Variants in ATP2B2 observed in about 807,000 individuals in gnomAD.
The protein encoded by ATP2B2 is plasma membrane calcium-transporting ATPase 2.
A neutral mutation model predicts 120.0 loss-of-function variants in ATP2B2; 15 were observed. The observed-to-expected ratio is 0.12, with a 90% CI of 0.08 to 0.19. The LOEUF is 0.19. Among genes scored for constraint, ATP2B2 ranks in the 10% least tolerant of loss-of-function variants. ATP2B2 has a pLI of 1.00. For synonymous variants in ATP2B2, 694 were observed against 700.3 expected (o/e 0.99, Z 0.14); for missense variants, 1,045 against 1,719.8 (o/e 0.61, Z 6.94).
intron 1 of ATP2B2, among the ~76,000 whole-genome samples, chr3:10,644,867 T>G (rs1203992082): frequency 6.6e-6 from 1 of 152,254 alleles, no homozygotes; most frequent in East Asian, 1.9e-4. Flanking sequence ...CACTGAATTA[T>G]TTCCTTTAAA....
intron 5 of ATP2B2, among the ~76,000 whole-genome samples, chr3:10,395,969 G>A (rs543700451): frequency 6.6e-6 from 1 of 152,236 alleles, no homozygotes; most frequent in African/African-American, 2.4e-5. Context: ...ACATGGGCTC[G>A]TGTCTGCCTG....
chr3:10,644,594 G>A (rs539230917), intron 1 of ATP2B2, among the ~76,000 whole-genome samples: 23 of 152,200 alleles, frequency 1.5e-4, no homozygotes, highest in African/African-American at 5.3e-4. Flanking sequence ...AAGGAATGAA[G>A]TACTAATACA....
chr3:10,644,464 G>T (rs2070264427), intron 1 of ATP2B2, among the ~76,000 whole-genome samples: 1 of 152,154 alleles, frequency 6.6e-6, no homozygotes, highest in Admixed American at 6.5e-5. Context: ...ATACACATAT[G>T]TTCACAACAG....
chr3:10,589,946 A>G (rs2068602945), intron 2 of ATP2B2, among the ~76,000 whole-genome samples: 1 of 152,230 alleles, frequency 6.6e-6, no homozygotes, highest in South Asian at 2.1e-4. Context: ...TTTACCCAAA[A>G]GAAACAAAAA....
At chr3:10,331,985 C>T (rs901359809) in intron 22 of ATP2B2, 3 of 1,550,340 alleles carry the variant, frequency 1.9e-6, no homozygotes, top group Non-Finnish European at 2.6e-6. Flanking sequence ...CTCACAACCT[C>T]TTTTAATTTC....
At chr3:10,568,007 A>G (rs1286909258) in intron 2 of ATP2B2, among the ~76,000 whole-genome samples, 1 of 152,220 alleles carries the variant, frequency 6.6e-6, no homozygotes, top group Non-Finnish European at 1.5e-5. Context: ...AACTCCAAAA[A>G]TGACACCTGT....
At chr3:10,498,340 T>A (rs543381467) in intron 1 of ATP2B2, among the ~76,000 whole-genome samples, 10 of 152,356 alleles carry the variant, frequency 6.6e-5, no homozygotes, top group Admixed American at 3.3e-4. Flanking sequence ...CAGGCCCACG[T>A]AGGATGGCGT....
intron 16 of ATP2B2, among the ~76,000 whole-genome samples, chr3:10,348,619 T>C (rs957273663): frequency 2.0e-5 from 3 of 152,236 alleles, no homozygotes; most frequent in Non-Finnish European, 4.4e-5. Context: ...AGCAGTTCCC[T>C]GCCTTGCCTC....
intron 2 of ATP2B2, 67 bp downstream of exon 2, chr3:10,449,278 T>C (rs1040990815): frequency 2.0e-6 from 3 of 1,538,302 alleles, no homozygotes; most frequent in Non-Finnish European, 1.8e-6. Context: ...ATGAATATGG[T>C]CCCTGTGGCC....
At chr3:10,378,501 C>G (rs2061440342) in intron 9 of ATP2B2, 91 bp from the exon 10 acceptor site, 5 of 1,541,496 alleles carry the variant, frequency 3.2e-6, no homozygotes, top group Non-Finnish European at 4.4e-6. Flanking sequence ...GGCACCCACC[C>G]CTGCCTGCCC....
intron 2 of ATP2B2, among the ~76,000 whole-genome samples, chr3:10,608,263 A>C (rs2069138185): frequency 6.6e-6 from 1 of 152,200 alleles, no homozygotes; most frequent in Non-Finnish European, 1.5e-5. Context: ...CCCCCATTAT[A>C]AAGTCTGCAG....
chr3:10,561,982 A>G (rs1223700616), intron 2 of ATP2B2, among the ~76,000 whole-genome samples: 3 of 152,208 alleles, frequency 2.0e-5, no homozygotes, highest in Non-Finnish European at 4.4e-5. Context: ...CAAGGGGCTG[A>G]AGAAGACCAC....
At chr3:10,389,263 T>C (rs1007356774) in intron 5 of ATP2B2, among the ~76,000 whole-genome samples, 6 of 152,212 alleles carry the variant, frequency 3.9e-5, no homozygotes, top group African/African-American at 1.4e-4. Flanking sequence ...CAGCTATTGT[T>C]TCATGAGAGA....
At chr3:10,479,205 A>T (rs1376664391) in intron 1 of ATP2B2, among the ~76,000 whole-genome samples, 1 of 137,354 alleles carries the variant, frequency 7.3e-6, no homozygotes, top group Non-Finnish European at 1.6e-5. Context: ...ACATCACAGC[A>T]TCCTCCTGCC....
In ATP2B2 at chr3:10,695,825, T is replaced by C. The variant is rs377139982; in HGVS notation, c.-460+12090A>G. Among the ~76,000 whole-genome samples, 4 of 152,310 alleles carry C rather than the reference T, an allele frequency of 2.6e-5. No homozygotes were observed. In the East Asian group the frequency reaches 5.8e-4, roughly 22 times the overall value. On this transcript the variant is annotated intron_variant, in intron 1 of 21. Transcript: ENST00000646379. ...CTGGAGCAGTTTGTCACATAGCAAT[T>C]GCTAATAGTGATACAGCAGTGCAGG...
At chr3:10,443,107 GT>G (rs2063724060) in intron 2 of ATP2B2, among the ~76,000 whole-genome samples, 1 of 152,196 alleles carries the variant, frequency 6.6e-6, no homozygotes, top group African/African-American at 2.4e-5. Flanking sequence ...CGGTGCCGTG[GT>G]TTGGCTGGTA....
chr3:10,587,943 A>G, intron 2 of ATP2B2, among the ~76,000 whole-genome samples: 1 of 152,240 alleles, frequency 6.6e-6, no homozygotes, highest in Non-Finnish European at 1.5e-5. Flanking sequence ...GTTTTATTAT[A>G]TAAGCAATAC....
In ATP2B2 at chr3:10,350,531, C is replaced by T. The variant is rs780440699; in HGVS notation, c.2183G>A (p.Arg728His). Residue 728 changes from arginine (R) to histidine (H), a missense_variant, in exon 15 of 23, where the codon CGC (arginine) becomes CAC (histidine). By Grantham distance (29) the Arg-to-His change is conservative (BLOSUM62 0). Around this residue, in one of 11 missense-constraint regions of ATP2B2, gnomAD observed 343 missense variants for 536.8 expected, o/e 0.64. Coordinates refer to ENST00000360273, the MANE Select transcript of ATP2B2 (RefSeq NM_001001331.4). Reference sequence around the variant, plus strand: ...GTTGATATTGTCGCCAGTGACCATGCGGACCGTGATGCCTGCCCGCTGGCA... The same window carrying T: ...GTTGATATTGTCGCCAGTGACCATGTGGACCGTGATGCCTGCCCGCTGGCA... ...RKCQRAGITV[R>H]MVTGDNINTA... is the part of the protein sequence containing the mutation. The T allele has an allele frequency of 8.1e-6, 13 of 1,614,028 alleles. No homozygotes were observed. The highest frequency in any genetic ancestry group is 3.3e-5 in the Admixed American group (2 of 60,030).
At chr3:10,541,478 A>G (rs1308410912) in intron 2 of ATP2B2, among the ~76,000 whole-genome samples, 1 of 152,106 alleles carries the variant, frequency 6.6e-6, no homozygotes, top group African/African-American at 2.4e-5. Flanking sequence ...CTGTCATTCA[A>G]TTTGATATAT....
Sources: allele counts gnomAD v4.1 joint callset (sites outside exome capture counted in the v4.1 genomes callset), GRCh38; gene constraint gnomAD v4.1.1; regional missense constraint gnomAD v4.1.1; transcripts MANE v1.5; gene names NCBI Gene and HGNC (gene_info 2026-07-23, HGNC 2026-07-21).